PCDH11X: variants seen among roughly 807,000 people sequenced by gnomAD.
PCDH11X encodes protocadherin-11 X-linked.
A neutral mutation model predicts 53.3 loss-of-function variants in PCDH11X; 18 were observed. The observed-to-expected ratio is 0.34, with a 90% CI of 0.23 to 0.50. The LOEUF (loss-of-function observed/expected upper bound fraction) is 0.50, where lower values mean the gene tolerates loss of function less well. Among genes scored for constraint, PCDH11X ranks in the 20% least tolerant of loss-of-function variants. The probability of loss-of-function intolerance (pLI) is 0.98; values close to 1 mark genes in which losing one functional copy is unlikely to be tolerated. For synonymous variants in PCDH11X, 279 were observed against 393.3 expected (o/e 0.71, Z 3.44); for missense variants, 570 against 1,032.4 (o/e 0.55, Z 6.14).
chrX:91,941,829 A>G (rs940469961), intron 6 of PCDH11X, among the ~76,000 whole-genome samples: 6 of 111,519 alleles, frequency 5.4e-5, no homozygotes, highest in African/African-American at 1.6e-4. Flanking sequence ...ATAAATTTAA[A>G]AGAATTCATG....
chrX:92,543,251 CATT>C (rs1435016437), intron 10 of PCDH11X, among the ~76,000 whole-genome samples: 28 of 99,501 alleles, frequency 2.8e-4, no homozygotes, highest in Non-Finnish European at 4.9e-4. Flanking sequence ...TATTTTTAAA[CATT>C]ATAACTTCCT....
At chrX:92,522,802 TGA>T (rs767417199) in intron 10 of PCDH11X, among the ~76,000 whole-genome samples, 3 of 112,348 alleles carry the variant, frequency 2.7e-5, no homozygotes, top group African/African-American at 9.7e-5. Context: ...AATATTGTGG[TGA>T]GAGAGTTAAT....
intron 6 of PCDH11X, among the ~76,000 whole-genome samples, chrX:92,048,152 G>A (rs1416356248): frequency 9.3e-6 from 1 of 107,458 alleles, no homozygotes; most frequent in African/African-American, 3.4e-5. Flanking sequence ...ACTTACTGAG[G>A]TTTGGAGAAG....
Position 91,807,608 on chromosome X carries a change from T to C in PCDH11X, c.-378-1858T>C, listed in dbSNP as rs751869858. On this transcript the variant is annotated intron_variant, in intron 1 of 10. Coordinates refer to ENST00000682573, the MANE Select transcript of PCDH11X (RefSeq NM_032968.5). ...AAATTTCAGAATTTTAGAATCTATG[T>C]GTTAGCAAACTGTGTATTCATAGGT... is the stretch of plus-strand genomic sequence containing the variant. 8.1e-5 allele frequency among the ~76,000 whole-genome samples: 9 copies of C among 111,338 alleles called. No homozygotes were observed. The South Asian group carries it at 3.4e-3, about 42-fold the overall frequency.
intron 10 of PCDH11X, among the ~76,000 whole-genome samples, chrX:92,500,298 G>A (rs753894612): frequency 8.1e-5 from 9 of 111,417 alleles, no homozygotes; most frequent in South Asian, 3.7e-4. Context: ...AATATGACAC[G>A]AAACTATAAA....
chrX:92,474,894 G>A (rs1448725777), intron 10 of PCDH11X, among the ~76,000 whole-genome samples: 4 of 109,291 alleles, frequency 3.7e-5, no homozygotes, highest in Non-Finnish European at 7.6e-5. Flanking sequence ...GGCCGGGCGC[G>A]GTGGCTCACG....
intron 6 of PCDH11X, among the ~76,000 whole-genome samples, chrX:92,163,262 C>T (rs2148262837): frequency 9.1e-6 from 1 of 110,412 alleles, no homozygotes; most frequent in South Asian, 4.0e-4. Context: ...GGCTACCAGC[C>T]TCCCCACAGA....
At chrX:91,854,139 C>T (rs763337232) in intron 5 of PCDH11X, among the ~76,000 whole-genome samples, 1 of 111,257 alleles carries the variant, frequency 9.0e-6, no homozygotes, top group South Asian at 3.8e-4. Context: ...TTAATCATCC[C>T]TACCTCCCCT....
At chrX:91,911,260 G>A (rs1412839813) in intron 6 of PCDH11X, among the ~76,000 whole-genome samples, 1 of 109,283 alleles carries the variant, frequency 9.2e-6, no homozygotes. Flanking sequence ...TCCAGGGATA[G>A]TTCTATTCCC....
At chrX:92,100,757 TGG>T (rs1258890770) in intron 6 of PCDH11X, among the ~76,000 whole-genome samples, 1 of 109,555 alleles carries the variant, frequency 9.1e-6, no homozygotes, top group African/African-American at 3.4e-5. Flanking sequence ...TGAAAATTTT[TGG>T]GGGGGTGGTA....
chrX:92,224,767 C>A (rs1382349773), intron 7 of PCDH11X, among the ~76,000 whole-genome samples: 2 of 112,174 alleles, frequency 1.8e-5, no homozygotes, highest in African/African-American at 6.5e-5. Context: ...TTGTCTGAAG[C>A]TTTTAACAAC....
chrX:92,303,778 C>T (rs1342712820), intron 8 of PCDH11X, among the ~76,000 whole-genome samples: 1 of 110,106 alleles, frequency 9.1e-6, no homozygotes, highest in Non-Finnish European at 1.9e-5. Context: ...ACTGCATTTC[C>T]TTCCCATGAA....
chrX:92,385,072 G>A (rs1160274490), intron 8 of PCDH11X, among the ~76,000 whole-genome samples: 1 of 94,553 alleles, frequency 1.1e-5, no homozygotes, highest in Non-Finnish European at 2.2e-5. Flanking sequence ...TTGCAAAGGC[G>A]GTTTCACAAG....
chrX:91,828,213 G>A (rs1212387825), intron 4 of PCDH11X, among the ~76,000 whole-genome samples: 3 of 104,282 alleles, frequency 2.9e-5, no homozygotes, highest in Admixed American at 1.0e-4. Flanking sequence ...TCCGCCTCCC[G>A]GGTTCACGCC....
At chrX:92,070,796 A>T (rs1413015724) in intron 6 of PCDH11X, among the ~76,000 whole-genome samples, 1 of 109,814 alleles carries the variant, frequency 9.1e-6, no homozygotes, top group Non-Finnish European at 1.9e-5. Context: ...AAGGCCAGTA[A>T]CTCTTTTTTG....
chrX:92,582,566 G>A (rs1397308262), intron 10 of PCDH11X, among the ~76,000 whole-genome samples: 5 of 110,385 alleles, frequency 4.5e-5, no homozygotes, highest in African/African-American at 1.3e-4. Flanking sequence ...TCAGGAGCAG[G>A]GTCCTCATTG....
intron 6 of PCDH11X, among the ~76,000 whole-genome samples, chrX:91,930,478 A>T (rs1338606270): frequency 4.7e-5 from 5 of 106,974 alleles, no homozygotes; most frequent in Admixed American, 2.0e-4. Flanking sequence ...AGAGAAAAAA[A>T]AAAAAAGAGG....
At chrX:91,857,190 G>T (rs1420850741) in intron 5 of PCDH11X, among the ~76,000 whole-genome samples, 1 of 111,211 alleles carries the variant, frequency 9.0e-6, no homozygotes, top group East Asian at 2.8e-4. Flanking sequence ...GAGAGCGTGT[G>T]CAGGGGAGCT....
intron 5 of PCDH11X, among the ~76,000 whole-genome samples, chrX:91,866,575 G>T (rs1180155230): frequency 9.0e-6 from 1 of 111,283 alleles, no homozygotes. Context: ...GCCCAGAGAA[G>T]CTCTCTGTAC....
Sources: allele counts gnomAD v4.1 joint callset (sites outside exome capture counted in the v4.1 genomes callset), GRCh38; gene constraint gnomAD v4.1.1; transcripts MANE v1.5; gene names NCBI Gene and HGNC (gene_info 2026-07-23, HGNC 2026-07-21).